Variants in NLK observed in about 807,000 individuals in gnomAD.
NLK encodes the protein nemo like kinase.
A neutral mutation model predicts 59.0 loss-of-function variants in NLK; 11 were observed. That is an observed-to-expected ratio of 0.19 (90% CI 0.12 to 0.31). The LOEUF is 0.31. Ranked by LOEUF, NLK falls within the 10% of genes least tolerant of loss-of-function variation. The pLI, the probability that NLK is intolerant of heterozygous loss-of-function variation, is 1.00. For missense variants in NLK, 410 were observed against 661.1 expected (o/e 0.62, Z 4.16); for synonymous variants, 235 against 235.9 (o/e 1.00, Z 0.03).
intron 1 of NLK, among the ~76,000 whole-genome samples, chr17:28,049,128 G>A (rs1047204273): frequency 6.6e-6 from 1 of 152,208 alleles, no homozygotes; most frequent in African/African-American, 2.4e-5. Context: ...AGTCATGATA[G>A]ACATAGTCAG....
chr17:28,202,130 T>G, the NLK span, among the ~76,000 whole-genome samples: 1 of 152,220 alleles, frequency 6.6e-6, no homozygotes, highest in South Asian at 2.1e-4. Context: ...ACTGGGCCAC[T>G]CAGACCTGTA....
At chr17:28,121,504 T>TTC (rs1555561571) in intron 1 of NLK, among the ~76,000 whole-genome samples, 1 of 125,236 alleles carries the variant, frequency 8.0e-6, no homozygotes, top group South Asian at 2.9e-4. Context: ...TCTTTTTTTT[T>TTC]TTTTTTTTTT....
At chr17:28,175,987 T>A (rs1407628106) in intron 7 of NLK, among the ~76,000 whole-genome samples, 1 of 152,234 alleles carries the variant, frequency 6.6e-6, no homozygotes, top group African/African-American at 2.4e-5. Flanking sequence ...CAGTTTTTTT[T>A]ATGCCTTAAC....
chr17:28,105,143 A>T (rs1905033764), intron 1 of NLK, among the ~76,000 whole-genome samples: 1 of 152,158 alleles, frequency 6.6e-6, no homozygotes, highest in South Asian at 2.1e-4. Context: ...TCTGATTACT[A>T]CCTTGAATCT....
chr17:28,047,342 G>A (rs757135361), intron 1 of NLK, among the ~76,000 whole-genome samples: 8 of 152,290 alleles, frequency 5.3e-5, no homozygotes, highest in African/African-American at 1.4e-4. Context: ...ATAACGTAGC[G>A]TGTCCCCTCA....
rs1567697177 is a variant in NLK, at chr17:28,043,002, G to A, written c.129G>A (p.Leu43=). The change falls in exon 1 of 11, where the codon CTG becomes CTA. Residue 43 remains leucine (L), a synonymous_variant. Coordinates refer to ENST00000407008, the MANE Select transcript of NLK (RefSeq NM_016231.5). ...HHLPHLPPPH[L]HHHHHPQHHL... Reference sequence around the variant, plus strand: ...TTCCACACCTCCCTCCTCCTCACCTGCACCACCACCACCACCCTCAACACC... The same window carrying A: ...TTCCACACCTCCCTCCTCCTCACCTACACCACCACCACCACCCTCAACACC... The A allele has an allele frequency of 6.4e-7, 1 of 1,556,324 alleles. No individual in the cohort carries two copies. The highest frequency in any genetic ancestry group is 1.2e-5 in the South Asian group (1 of 84,616).
chr17:28,046,120 T>C (rs2142729636), intron 1 of NLK, among the ~76,000 whole-genome samples: 1 of 152,340 alleles, frequency 6.6e-6, no homozygotes, highest in Admixed American at 6.5e-5. Flanking sequence ...CATGCAATTT[T>C]GAGAGAGATT....
At chr17:28,200,134 C>G (rs1467271376), downstream of NLK, among the ~76,000 whole-genome samples, 1 of 152,076 alleles carries the variant, frequency 6.6e-6, no homozygotes, top group Non-Finnish European at 1.5e-5. Flanking sequence ...TTAACATTGT[C>G]TTTTATAGAA....
chr17:28,085,632 C>T (rs1248667584), intron 1 of NLK, among the ~76,000 whole-genome samples: 2 of 151,902 alleles, frequency 1.3e-5, no homozygotes, highest in South Asian at 2.1e-4. Context: ...CCCAGCTACT[C>T]GGAAAGGCTG....
chr17:28,186,191 T>C (rs1251324893), intron 8 of NLK, among the ~76,000 whole-genome samples: 1 of 152,234 alleles, frequency 6.6e-6, no homozygotes, highest in Non-Finnish European at 1.5e-5. Context: ...TTATTAAGTT[T>C]ACATTGGTCC....
In NLK at chr17:28,059,699, A is replaced by AGTG. The variant is rs556946288; in HGVS notation, c.458+16371_458+16373dup. ...TAGTGAACAAAGAATGGTTTATTCCAGTGGTATGGTGGCATATGTTTAACA... is the reference window on the plus strand; with the variant it reads ...TAGTGAACAAAGAATGGTTTATTCCAGTGGTGGTATGGTGGCATATGTTTAACA... On this transcript the variant is annotated intron_variant, in intron 1 of 10. Transcript: ENST00000407008. Among the ~76,000 whole-genome samples the AGTG allele has an allele frequency of 2.3e-3, 347 of 152,342 alleles. 3 individuals carry two copies. Among genetic ancestry groups the AGTG allele is most frequent in the African/African-American group, 7.8e-3 (326 of 41,588 alleles).
intron 1 of NLK, among the ~76,000 whole-genome samples, chr17:28,108,743 A>G (rs1036613318): frequency 6.6e-6 from 1 of 152,240 alleles, no homozygotes; most frequent in African/African-American, 2.4e-5. Context: ...TATTAAAATT[A>G]CATGCTTACT....
At chr17:28,192,052 C>T (rs1271233157) in intron 9 of NLK, 68 bp from the exon 10 acceptor site, 4 of 824,358 alleles carry the variant, frequency 4.9e-6, no homozygotes, top group East Asian at 5.4e-5. Context: ...GGCTAGAGTT[C>T]GCTGAGAATT....
chr17:28,053,557 A>T (rs1175730834), intron 1 of NLK, among the ~76,000 whole-genome samples: 3 of 152,132 alleles, frequency 2.0e-5, no homozygotes, highest in Non-Finnish European at 4.4e-5. Flanking sequence ...TTTCAATTTA[A>T]GTAGTATAGA....
intron 1 of NLK, among the ~76,000 whole-genome samples, chr17:28,054,816 A>G (rs1481868150): frequency 6.6e-6 from 1 of 152,192 alleles, no homozygotes; most frequent in African/African-American, 2.4e-5. Context: ...CTGTTACTCC[A>G]GCATTTGGGA....
At chr17:28,185,411 A>G in intron 8 of NLK, 146 bp downstream of exon 8, 1 of 537,842 alleles carries the variant, frequency 1.9e-6, no homozygotes, top group Non-Finnish European at 3.2e-6. Context: ...TGTATCATGC[A>G]CGCTCATCAC....
At chr17:28,110,906 G>A (rs1466326478) in intron 1 of NLK, among the ~76,000 whole-genome samples, 3 of 151,060 alleles carry the variant, frequency 2.0e-5, no homozygotes, top group East Asian at 1.9e-4. Context: ...GTGCAGTGGC[G>A]GGATCTCGGC....
rs138652678 is a variant in NLK, at chr17:28,141,060, G to A, written c.644+8385G>A. Among the ~76,000 whole-genome samples, 9 of 152,192 alleles carry A rather than the reference G, an allele frequency of 5.9e-5. No homozygotes were observed. The East Asian group carries it at 1.5e-3, about 26-fold the overall frequency. ...CAATATGAAACAGTGCTAATAGATG[G>A]CACAACTAAGTGCATAATAGAATAT... On this transcript the variant is annotated intron_variant, in intron 3 of 10. Transcript: ENST00000407008.
downstream of NLK, among the ~76,000 whole-genome samples, chr17:28,198,555 CCT>C (rs1909543062): frequency 6.6e-6 from 1 of 152,010 alleles, no homozygotes; most frequent in African/African-American, 2.4e-5. Flanking sequence ...GAACTCCTGA[CCT>C]CAAATGATCC....
Sources: gnomAD v4.1 joint callset for allele counts (sites outside exome capture counted in the v4.1 genomes callset) on GRCh38, gnomAD v4.1.1 for gene constraint, MANE v1.5 for transcripts, NCBI Gene and HGNC (gene_info 2026-07-23, HGNC 2026-07-21) for gene names.